Variants in ATG3 observed in about 807,000 individuals in gnomAD.
ATG3 encodes autophagy related 3.
ATG3 carries 25 observed loss-of-function variants against 50.7 expected under a neutral mutation model. That is an observed-to-expected ratio of 0.49 (90% CI 0.36 to 0.69). The LOEUF (loss-of-function observed/expected upper bound fraction) is 0.69, where lower values mean the gene tolerates loss of function less well. Among genes scored for constraint, ATG3 ranks in the 30% least tolerant of loss-of-function variants. ATG3 has a pLI of 0.00. For missense variants in ATG3, 281 were observed against 376.0 expected (o/e 0.75, Z 2.09); for synonymous variants, 119 against 125.5 (o/e 0.95, Z 0.34).
chr3:112,550,823 T>A (rs1270849187), intron 3 of ATG3, among the ~76,000 whole-genome samples: 1 of 152,236 alleles, frequency 6.6e-6, no homozygotes, highest in African/African-American at 2.4e-5. Context: ...AAACCTTTTA[T>A]TGAGTGCTTA....
In ATG3 at chr3:112,561,623, C is replaced by G; in HGVS notation, c.-95G>C. The G allele has an allele frequency of 7.8e-7, 1 of 1,280,020 alleles. No individual in the cohort carries two copies. Among genetic ancestry groups the G allele is most frequent in the Non-Finnish European group, 1.1e-6 (1 of 917,288 alleles). 79.3% of individuals were successfully genotyped at this position (1,280,020 alleles called of 1,614,324 possible). ...CAGAAAATGTCCTCGCTGCCACCGA[C>G]TCGCATCAGCACCCGGCTGGCAGCA... On this transcript the variant is annotated 5_prime_UTR_variant, in exon 1 of 12. Transcript: ENST00000283290.
intron 2 of ATG3, among the ~76,000 whole-genome samples, chr3:112,553,605 T>G (rs1453369828): frequency 2.6e-5 from 4 of 152,216 alleles, no homozygotes; most frequent in South Asian, 4.1e-4. Context: ...GTTTTTATAA[T>G]TGGATTAAGT....
At chr3:112,537,668 T>C in intron 9 of ATG3, 67 bp downstream of exon 9, 1 of 1,259,036 alleles carries the variant, frequency 7.9e-7, no homozygotes, top group Non-Finnish European at 1.1e-6. Context: ...ATGGACCTAA[T>C]GAAGAAGAAA....
chr3:112,558,496 C>G, intron 1 of ATG3, 79 bp from the exon 2 acceptor site: 1 of 1,167,470 alleles, frequency 8.6e-7, no homozygotes, highest in African/African-American at 1.5e-5. Context: ...AATTATTTGC[C>G]TGGTGCCCTT....
intron 2 of ATG3, among the ~76,000 whole-genome samples, chr3:112,556,688 T>C (rs1472754202): frequency 6.6e-6 from 1 of 152,144 alleles, no homozygotes; most frequent in Non-Finnish European, 1.5e-5. Flanking sequence ...CTAAGAAAAA[T>C]TCTTCTGCCT....
chr3:112,532,844 TA>T, intron 11 of ATG3, 64 bp from the exon 12 acceptor site: 1 of 1,458,064 alleles, frequency 6.9e-7, no homozygotes, highest in Non-Finnish European at 9.0e-7. Flanking sequence ...GCCCATGTTG[TA>T]ATTATCCATT....
chr3:112,561,467 G>A lies in ATG3; in HGVS notation c.62C>T (p.Pro21Leu). The change falls in exon 1 of 12, where the codon CCG (proline) becomes CTG (leucine). Residue 21 changes from proline (P) to leucine (L), a missense_variant. Transcript: ENST00000283290. ...KALEVAEYLTPVLKESKFKET... is the reference protein window; with the variant it reads ...KALEVAEYLTLVLKESKFKET... ...CCTGGCCTGGCTTACCTTGAGGACC[G>A]GGGTCAGGTACTCAGCCACTTCCAG... is the stretch of plus-strand genomic sequence containing the variant. 6.2e-7 allele frequency: 1 copy of A among 1,613,442 alleles called. No individual in the cohort carries two copies. The highest frequency in any genetic ancestry group is 8.5e-7 in the Non-Finnish European group (1 of 1,179,928).
intron 10 of ATG3, chr3:112,534,547 C>T (rs1041093340): frequency 2.8e-5 from 8 of 290,204 alleles, no homozygotes; most frequent in Admixed American, 1.5e-4. Context: ...CCCTCCACTT[C>T]CGAAACACAA....
chr3:112,558,091 C>T, intron 2 of ATG3: 1 of 373,994 alleles, frequency 2.7e-6, no homozygotes, highest in Non-Finnish European at 4.9e-6. Flanking sequence ...AATATAACAC[C>T]AATACAAGTC....
intron 7 of ATG3, among the ~76,000 whole-genome samples, chr3:112,539,355 T>C (rs1033438643): frequency 3.9e-5 from 6 of 152,196 alleles, no homozygotes; most frequent in African/African-American, 1.4e-4. Flanking sequence ...CTCTCCTATC[T>C]GGACATAAGC....
chr3:112,536,717 C>G (rs1184526567), intron 9 of ATG3, 115 bp from the exon 10 acceptor site: 1 of 1,058,384 alleles, frequency 9.4e-7, no homozygotes, highest in African/African-American at 1.6e-5. Context: ...GTCAGGAGAT[C>G]GAGACCATCC....
chr3:112,556,305 C>A (rs1933677895), intron 2 of ATG3, among the ~76,000 whole-genome samples: 1 of 151,574 alleles, frequency 6.6e-6, no homozygotes. Flanking sequence ...TGCCTGGCCG[C>A]CCCTACTGGG....
chr3:112,535,058 GCTAA>G lies in ATG3; in HGVS notation c.795-725_795-722del, dbSNP rs1320591078. On this transcript the variant is annotated intron_variant, in intron 10 of 11. Transcript: ENST00000283290. ...TGTCCTATCTATACATCTTTTCATG[GCTAA>G]CTGTTCTCTCTCCTGTACTATAGAA... The G allele has an allele frequency of 2.6e-5, 4 of 152,134 alleles. No individual in the cohort carries two copies. In the East Asian group the frequency reaches 7.7e-4, roughly 29 times the overall value. 9.4% of individuals were successfully genotyped at this position (152,134 alleles called of 1,614,324 possible).
chr3:112,554,082 G>T (rs1933599657), intron 2 of ATG3, among the ~76,000 whole-genome samples: 1 of 152,148 alleles, frequency 6.6e-6, no homozygotes, highest in African/African-American at 2.4e-5. Context: ...AGAATTATCA[G>T]TTTACACGAA....
At chr3:112,542,645 C>A (rs563271080) in intron 6 of ATG3, among the ~76,000 whole-genome samples, 1 of 151,886 alleles carries the variant, frequency 6.6e-6, no homozygotes, top group African/African-American at 2.4e-5. Context: ...CCATCAGTGT[C>A]GGAGTAATTA....
intron 1 of ATG3, among the ~76,000 whole-genome samples, chr3:112,558,923 G>A (rs34705559): frequency 2.0e-5 from 3 of 151,962 alleles, no homozygotes; most frequent in Non-Finnish European, 4.4e-5. Context: ...ATTTTTAGTA[G>A]AGACAGGGTT....
At chr3:112,538,238 A>T in intron 7 of ATG3, 58 bp from the exon 8 acceptor site, 3 of 1,365,968 alleles carry the variant, frequency 2.2e-6, no homozygotes, top group Non-Finnish European at 2.0e-6. Flanking sequence ...AATTCCCTAA[A>T]CCAATTTAAG....
intron 3 of ATG3, 132 bp downstream of exon 3, chr3:112,553,148 A>G (rs2107386677): frequency 2.7e-6 from 2 of 735,974 alleles, no homozygotes; most frequent in Middle Eastern, 3.8e-4. Flanking sequence ...GCATTGTTTA[A>G]CAGAAGAATC....
chr3:112,556,757 G>A (rs1933693802), intron 2 of ATG3, among the ~76,000 whole-genome samples: 1 of 152,068 alleles, frequency 6.6e-6, no homozygotes, highest in Admixed American at 6.5e-5. Context: ...AACATGTGCT[G>A]TGTCCACTCA....
Sources: allele counts gnomAD v4.1 joint callset (sites outside exome capture counted in the v4.1 genomes callset), GRCh38; gene constraint gnomAD v4.1.1; transcripts MANE v1.5; gene names NCBI Gene and HGNC (gene_info 2026-07-23, HGNC 2026-07-21).